YAP1: variants seen among roughly 807,000 people sequenced by gnomAD.
YAP1 encodes the protein transcriptional coactivator YAP1.
In YAP1, 5 loss-of-function variants were observed where a neutral mutation model predicts 56.9. The observed-to-expected ratio is 0.09, with a 90% CI of 0.05 to 0.18. YAP1 has a LOEUF of 0.18. YAP1 is among the 10% of genes least tolerant of loss of function. YAP1 has a pLI of 1.00. For synonymous variants in YAP1, 265 were observed against 248.1 expected, an observed-to-expected ratio of 1.07 and a Z score of -0.64; for missense variants, 539 against 651.8, an observed-to-expected ratio of 0.83 and a Z score of 1.88.
At chr11:102,139,132 T>C (rs2135277294) in intron 2 of YAP1, among the ~76,000 whole-genome samples, 1 of 152,142 alleles carries the variant, frequency 6.6e-6, no homozygotes, top group African/African-American at 2.4e-5. Flanking sequence ...TATCCAAAAG[T>C]TGATTTTAAA....
intron 3 of YAP1, 140 bp from the exon 4 acceptor site, chr11:102,185,878 T>C: frequency 1.2e-6 from 1 of 828,426 alleles, no homozygotes; most frequent in Non-Finnish European, 1.8e-6. Flanking sequence ...ACCTTTCTTC[T>C]CTGAACACAG....
At chr11:102,172,100 G>A (rs1338271412) in intron 3 of YAP1, among the ~76,000 whole-genome samples, 1 of 151,704 alleles carries the variant, frequency 6.6e-6, no homozygotes, top group Non-Finnish European at 1.5e-5. Flanking sequence ...GGCTGACACA[G>A]GAGAATTGCT....
At chr11:102,224,220 A>C (rs1406155230) in intron 7 of YAP1, among the ~76,000 whole-genome samples, 2 of 152,220 alleles carry the variant, frequency 1.3e-5, no homozygotes, top group East Asian at 3.8e-4. Context: ...AGGAGATAAA[A>C]TGTAAGGTTG....
chr11:102,176,976 G>A (rs946760181), intron 3 of YAP1, among the ~76,000 whole-genome samples: 1 of 152,036 alleles, frequency 6.6e-6, no homozygotes, highest in Non-Finnish European at 1.5e-5. Flanking sequence ...GAAAGCAGCT[G>A]ATGAAGTAGG....
At chr11:102,169,881 T>C (rs1444368004) in intron 3 of YAP1, among the ~76,000 whole-genome samples, 4 of 152,244 alleles carry the variant, frequency 2.6e-5, no homozygotes, top group African/African-American at 9.6e-5. Flanking sequence ...CTTAAAACTA[T>C]GGCCAATCCA....
In YAP1 at chr11:102,110,651, G is replaced by A; in HGVS notation, c.-198G>A. ...GCGCAGCCGCCAGACCAGTGGAGCC[G>A]GGGCGCAGGGCGGGGGCGGAGGCGC... On this transcript the variant is annotated 5_prime_UTR_variant, in exon 1 of 9. Transcript: ENST00000282441. 1 of 309,960 alleles carries A rather than the reference G, an allele frequency of 3.2e-6. No individual in the cohort carries two copies. Among genetic ancestry groups the A allele is most frequent in the Non-Finnish European group, 5.3e-6 (1 of 187,974 alleles). 19.2% of individuals were successfully genotyped at this position (309,960 alleles called of 1,614,324 possible). A position where few individuals can be genotyped will look rare whatever the true frequency, so the allele number is the denominator to read the frequency against.
At chr11:102,185,991 AT>A (rs34105163) in intron 3 of YAP1, 26 bp from the exon 4 acceptor site, 118,624 of 1,285,192 alleles carry the variant, frequency 0.092, 181 homozygotes, top group Middle Eastern at 0.11. Flanking sequence ...AAAAACCATG[AT>A]TTTTTTTTTT....
At chr11:102,161,764 C>G (rs1050777073) in intron 2 of YAP1, among the ~76,000 whole-genome samples, 4 of 152,088 alleles carry the variant, frequency 2.6e-5, no homozygotes, top group Admixed American at 2.6e-4. Context: ...GTGCTAGATG[C>G]CTTGCAGTCT....
At chr11:102,212,452 A>C (rs939274503) in intron 6 of YAP1, among the ~76,000 whole-genome samples, 1 of 152,224 alleles carries the variant, frequency 6.6e-6, no homozygotes, top group Non-Finnish European at 1.5e-5. Flanking sequence ...ATTTTGAAAA[A>C]ACTTTAAAGG....
intron 6 of YAP1, among the ~76,000 whole-genome samples, chr11:102,222,956 T>C (rs535406812): frequency 1.3e-5 from 2 of 152,028 alleles, no homozygotes; most frequent in African/African-American, 4.8e-5. Flanking sequence ...AAGAATTATT[T>C]TTTTAGGGCC....
chr11:102,138,045 G>A (rs1192271215), intron 2 of YAP1, among the ~76,000 whole-genome samples: 2 of 152,040 alleles, frequency 1.3e-5, no homozygotes, highest in South Asian at 2.1e-4. Flanking sequence ...GTGCCACCAC[G>A]CCTGGCTAAT....
intron 2 of YAP1, among the ~76,000 whole-genome samples, chr11:102,114,920 A>G (rs1053922282): frequency 9.2e-5 from 14 of 152,172 alleles, no homozygotes; most frequent in African/African-American, 3.1e-4. Context: ...GTGACTTACC[A>G]ATATTTCCCC....
At position 102,203,858 on chromosome 11, in the gene YAP1, T is replaced by A. The variant is rs143179500; in HGVS notation, c.803-2035T>A. 7.2e-5 allele frequency among the ~76,000 whole-genome samples: 11 copies of A among 152,252 alleles called. No individual in the cohort carries two copies. The East Asian group carries it at 2.1e-3, about 29-fold the overall frequency. On this transcript the variant is annotated intron_variant, in intron 4 of 8. Transcript: ENST00000282441. ...TTAAGGGTAAGTTTATTGACTTAAG[T>A]CTTCCAAAAAAAGATGTAAATGAAT...
intron 2 of YAP1, among the ~76,000 whole-genome samples, chr11:102,151,037 G>A (rs552604502): frequency 1.3e-5 from 2 of 151,836 alleles, no homozygotes; most frequent in East Asian, 1.9e-4. Context: ...CTGACCCCGT[G>A]GTTGCTGGTC....
At chr11:102,146,761 T>C (rs1210335649) in intron 2 of YAP1, among the ~76,000 whole-genome samples, 1 of 152,256 alleles carries the variant, frequency 6.6e-6, no homozygotes, top group African/African-American at 2.4e-5. Flanking sequence ...ACTTCCATTC[T>C]GGTGGAGAAT....
intron 2 of YAP1, among the ~76,000 whole-genome samples, chr11:102,140,148 G>T (rs551973356): frequency 6.0e-5 from 9 of 150,518 alleles, no homozygotes; most frequent in Non-Finnish European, 1.3e-4. Flanking sequence ...GTCTGATAGT[G>T]TAAAAAAAAT....
rs1283798165 is a variant in YAP1, at chr11:102,112,392, TTCTC to T, written c.321+1227_321+1230del. ...CCCAGTGGATTTGTTTTGTGTAGGG[TTCTC>T]TCTTTTTCTTTCTTTTTTATTTCTT... On this transcript the variant is annotated intron_variant, in intron 1 of 8. Coordinates refer to ENST00000282441, the MANE Select transcript of YAP1 (RefSeq NM_001130145.3). The T allele has an allele frequency of 3.0e-5, 29 of 978,094 alleles. 1 individual carries two copies. In the African/African-American group the frequency reaches 3.3e-4, roughly 11 times the overall value. 60.6% of individuals were successfully genotyped at this position (978,094 alleles called of 1,614,324 possible). A position where few individuals can be genotyped will look rare whatever the true frequency, so the allele number is the denominator to read the frequency against.
At chr11:102,159,815 T>C (rs549421983) in intron 2 of YAP1, among the ~76,000 whole-genome samples, 3 of 152,300 alleles carry the variant, frequency 2.0e-5, no homozygotes, top group African/African-American at 7.2e-5. Context: ...GCTTGACTTT[T>C]CTTTTCCACA....
chr11:102,222,904 C>G (rs1431293781), intron 6 of YAP1, among the ~76,000 whole-genome samples: 1 of 151,694 alleles, frequency 6.6e-6, no homozygotes, highest in East Asian at 1.9e-4. Flanking sequence ...GGGTTCCAAA[C>G]ACACAAAACC....
Sources: allele counts gnomAD v4.1 joint callset (sites outside exome capture counted in the v4.1 genomes callset), GRCh38; gene constraint gnomAD v4.1.1; transcripts MANE v1.5; gene names NCBI Gene and HGNC (gene_info 2026-07-23, HGNC 2026-07-21).